Variants in TAFA4 observed in about 807,000 individuals in gnomAD.
TAFA4 encodes the protein TAFA chemokine like family member 4, also known as chemokine-like protein TAFA-4.
TAFA4 carries 20 observed loss-of-function variants against 21.1 expected under a neutral mutation model. That is an observed-to-expected ratio of 0.95 (90% CI 0.67 to 1.38). The LOEUF (loss-of-function observed/expected upper bound fraction) is 1.38. Ranked by LOEUF, TAFA4 falls within the 40% of genes most tolerant of loss-of-function variation. The probability of loss-of-function intolerance (pLI) is 0.00; values close to 1 mark genes in which losing one functional copy is unlikely to be tolerated. For missense variants in TAFA4, 211 were observed against 180.9 expected (o/e 1.17, Z -0.95); for synonymous variants, 71 against 67.4 (o/e 1.05, Z -0.26).
rs1213452924 is a variant in TAFA4, at chr3:68,748,878, CAAAAT to C, written c.286+3980_286+3984del. 4.6e-5 allele frequency among the ~76,000 whole-genome samples: 7 copies of C among 152,220 alleles called. No homozygotes were observed. The East Asian group carries it at 1.3e-3, about 29-fold the overall frequency. On this transcript the variant is annotated intron_variant, in intron 4 of 5. Coordinates refer to ENST00000295569, the MANE Select transcript of TAFA4 (RefSeq NM_182522.5). ...ACCCAATATTTAGAAACCATTTTGA[CAAAAT>C]AAACTTCCTTGTACTACACATTTGT... is the stretch of plus-strand genomic sequence containing the variant.
At chr3:68,742,464 G>C (rs1702376199) in intron 4 of TAFA4, among the ~76,000 whole-genome samples, 1 of 152,254 alleles carries the variant, frequency 6.6e-6, no homozygotes, top group East Asian at 1.9e-4. Flanking sequence ...TTCAAACAAA[G>C]CTTTACAAAT....
At chr3:68,870,614 G>A (rs567862393) in intron 3 of TAFA4, among the ~76,000 whole-genome samples, 4 of 152,134 alleles carry the variant, frequency 2.6e-5, no homozygotes, top group Non-Finnish European at 4.4e-5. Context: ...TACATGTGCA[G>A]AATGTGCAGG....
At chr3:68,801,023 C>G (rs1019112773) in intron 3 of TAFA4, among the ~76,000 whole-genome samples, 3 of 152,104 alleles carry the variant, frequency 2.0e-5, no homozygotes, top group Non-Finnish European at 1.5e-5. Context: ...GTTGAATGGC[C>G]AAGAGATGCC....
intron 3 of TAFA4, among the ~76,000 whole-genome samples, chr3:68,815,270 T>TA (rs1408470609): frequency 2.6e-5 from 4 of 152,134 alleles, no homozygotes; most frequent in Admixed American, 1.3e-4. Context: ...ACTTCATGTC[T>TA]AAAACACCAA....
At chr3:68,932,066 G>C (rs530342541) in intron 1 of TAFA4, among the ~76,000 whole-genome samples, 174 bp downstream of exon 1, 16 of 152,080 alleles carry the variant, frequency 1.1e-4, no homozygotes, top group Admixed American at 2.0e-4. Flanking sequence ...CCTCAGCACA[G>C]GCACTCTCCC....
At chr3:68,792,100 T>C (rs1703372245) in intron 3 of TAFA4, among the ~76,000 whole-genome samples, 1 of 152,236 alleles carries the variant, frequency 6.6e-6, no homozygotes, top group Non-Finnish European at 1.5e-5. Flanking sequence ...AATCTAATTG[T>C]TCTTAGAAAC....
At chr3:68,930,775 T>C (rs1378761360) in intron 1 of TAFA4, among the ~76,000 whole-genome samples, 1 of 152,200 alleles carries the variant, frequency 6.6e-6, no homozygotes, top group Non-Finnish European at 1.5e-5. Context: ...CACACTGATA[T>C]GACTATAAAC....
At chr3:68,898,201 G>A (rs901836627) in intron 1 of TAFA4, among the ~76,000 whole-genome samples, 1 of 152,164 alleles carries the variant, frequency 6.6e-6, no homozygotes, top group African/African-American at 2.4e-5. Flanking sequence ...AGAACCAGTC[G>A]CTTCATCTGA....
intron 3 of TAFA4, among the ~76,000 whole-genome samples, chr3:68,879,193 A>G (rs1303545174): frequency 6.6e-6 from 1 of 152,094 alleles, no homozygotes; most frequent in Non-Finnish European, 1.5e-5. Context: ...TTTGCAGATA[A>G]CACTCTGCAA....
chr3:68,759,533 C>T (rs1048081954), intron 3 of TAFA4, among the ~76,000 whole-genome samples: 7 of 152,066 alleles, frequency 4.6e-5, no homozygotes, highest in Admixed American at 1.3e-4. Flanking sequence ...AGCCTGGTAC[C>T]AGAGAGTGGC....
intron 1 of TAFA4, among the ~76,000 whole-genome samples, chr3:68,897,961 T>C (rs1033408570): frequency 2.6e-5 from 4 of 152,204 alleles, no homozygotes; most frequent in African/African-American, 9.6e-5. Flanking sequence ...CATTGACTGA[T>C]TTCCTGGTAG....
chr3:68,870,700 A>C (rs2089471837), intron 3 of TAFA4, among the ~76,000 whole-genome samples: 1 of 151,972 alleles, frequency 6.6e-6, no homozygotes, highest in African/African-American at 2.4e-5. Context: ...TAAGCCCGGC[A>C]TGCATTGGGT....
At chr3:68,740,222 C>A (rs1460611498) in intron 4 of TAFA4, among the ~76,000 whole-genome samples, 1 of 152,106 alleles carries the variant, frequency 6.6e-6, no homozygotes, top group Non-Finnish European at 1.5e-5. Context: ...GAGCCAGTCA[C>A]AATAGTCTCA....
chr3:68,770,599 CCA>C lies in TAFA4; in HGVS notation c.131-17583_131-17582del, dbSNP rs1204117128. The stretch of plus-strand genomic sequence containing the variant: ...TACAAGGAATTTCCAAGGGATAGAT[CCA>C]CAGACAGTTTTTAAGGAATCAATCT... On this transcript the variant is annotated intron_variant, in intron 3 of 5. Coordinates refer to ENST00000295569, the MANE Select transcript of TAFA4 (RefSeq NM_182522.5). Among the ~76,000 whole-genome samples, 10 of 150,560 alleles carry C rather than the reference CCA, an allele frequency of 6.6e-5. No homozygotes were observed. In the East Asian group the frequency reaches 1.9e-3, roughly 29 times the overall value.
chr3:68,858,524 C>T lies in TAFA4; in HGVS notation c.130+22206G>A, dbSNP rs572926474. ...GACCAATTGAAAATTTTTTTTCAAC[C>T]GAATATAAAAATATTTGACAGGTTA... On this transcript the variant is annotated intron_variant, in intron 3 of 5. Coordinates refer to ENST00000295569, the MANE Select transcript of TAFA4 (RefSeq NM_182522.5). Among the ~76,000 whole-genome samples, 7 of 150,112 alleles carry T rather than the reference C, an allele frequency of 4.7e-5. No homozygotes were observed. The South Asian group carries it at 1.5e-3, about 32-fold the overall frequency.
At chr3:68,789,230 CAAA>C (rs11328882) in intron 3 of TAFA4, among the ~76,000 whole-genome samples, 3 of 120,132 alleles carry the variant, frequency 2.5e-5, no homozygotes. Flanking sequence ...GACTCCGTCT[CAAA>C]AAAAAAAAAA....
rs761477478 is a variant in TAFA4, at chr3:68,915,227, A to C, written c.-123+17013T>G. Reference sequence around the variant, plus strand: ...AATTCTGAAGCCCAGTGAGTGTCTAAGCTCTGAGTTCTTAGGACAAGCTCT... The same window carrying C: ...AATTCTGAAGCCCAGTGAGTGTCTACGCTCTGAGTTCTTAGGACAAGCTCT... On this transcript the variant is annotated intron_variant, in intron 1 of 5. Coordinates refer to ENST00000295569, the MANE Select transcript of TAFA4 (RefSeq NM_182522.5). 2.0e-5 allele frequency among the ~76,000 whole-genome samples: 3 copies of C among 152,176 alleles called. No individual in the cohort carries two copies. In the East Asian group the frequency reaches 5.8e-4, roughly 29 times the overall value.
At chr3:68,873,374 A>ACACCCACC (rs1553649875) in intron 3 of TAFA4, among the ~76,000 whole-genome samples, 2 of 140,276 alleles carry the variant, frequency 1.4e-5, no homozygotes, top group African/African-American at 5.1e-5. Context: ...ACACACACAC[A>ACACCCACC]CACCCTGGGC....
intron 3 of TAFA4, among the ~76,000 whole-genome samples, chr3:68,754,515 A>G (rs1036366165): frequency 6.6e-6 from 1 of 152,194 alleles, no homozygotes; most frequent in Non-Finnish European, 1.5e-5. Flanking sequence ...AAGTGATTCT[A>G]TATTCTCAGT....
Sources: gnomAD v4.1 joint callset for allele counts (sites outside exome capture counted in the v4.1 genomes callset) on GRCh38, gnomAD v4.1.1 for gene constraint, MANE v1.5 for transcripts, NCBI Gene and HGNC (gene_info 2026-07-23, HGNC 2026-07-21) for gene names.